Variants in COL4A1 observed in about 807,000 individuals in gnomAD.
The protein encoded by COL4A1 is collagen alpha-1(IV) chain.
Under a neutral mutation model 216.6 loss-of-function variants are expected in COL4A1, and 40 were observed. That is an observed-to-expected ratio of 0.18 (90% CI 0.14 to 0.24). The LOEUF is 0.24. Ranked by LOEUF, COL4A1 falls within the 10% of genes least tolerant of loss-of-function variation. The probability of loss-of-function intolerance (pLI) is 1.00; values close to 1 mark genes in which losing one functional copy is unlikely to be tolerated. For missense variants in COL4A1, 1,628 were observed against 2,196.8 expected (o/e 0.74, Z 5.18); for synonymous variants, 839 against 810.7 (o/e 1.03, Z -0.59).
chr13:110,152,277 A>T, intron 51 of COL4A1, 57 bp downstream of exon 51: 1 of 1,607,946 alleles, frequency 6.2e-7, no homozygotes, highest in Non-Finnish European at 8.5e-7. Context: ...GCGGATGATT[A>T]AAAAATAAAG....
At chr13:110,191,620 G>T in intron 24 of COL4A1, 1 of 687,354 alleles carries the variant, frequency 1.5e-6, no homozygotes, top group Non-Finnish European at 2.6e-6. Flanking sequence ...ATGTGATCCG[G>T]ATATTTCATT....
intron 26 of COL4A1, 127 bp downstream of exon 26, chr13:110,186,258 C>T: frequency 8.1e-7 from 1 of 1,229,876 alleles, no homozygotes; most frequent in South Asian, 1.2e-5. Flanking sequence ...GCCCCAATTC[C>T]TGGAAGAATC....
rs79824508 is a variant in COL4A1, at chr13:110,212,092, A to G, written c.388-170T>C. 0.019 allele frequency among the ~76,000 whole-genome samples: 2,948 copies of G among 152,336 alleles called. 96 individuals carry two copies. Among genetic ancestry groups the G allele is most frequent in the African/African-American group, 0.067 (2,804 of 41,564 alleles). On this transcript the variant is annotated intron_variant, in intron 6 of 51. Transcript: ENST00000375820. ...GGTACCACTTTATGAAAGAAGAAAT[A>G]GACTTGATAGTATCATTAATAGGGA...
At chr13:110,198,378 G>A (rs770093500) in intron 21 of COL4A1, 89 bp downstream of exon 21, 7 of 1,417,282 alleles carry the variant, frequency 4.9e-6, no homozygotes, top group Non-Finnish European at 6.0e-6. Context: ...CTCTGGCTGT[G>A]GGGGACTATC....
intron 17 of COL4A1, among the ~76,000 whole-genome samples, chr13:110,204,040 T>C (rs1879372250): frequency 1.3e-5 from 2 of 152,172 alleles, no homozygotes; most frequent in African/African-American, 2.4e-5. Flanking sequence ...TGTTTTTAGG[T>C]GAAGATTTTC....
intron 26 of COL4A1, among the ~76,000 whole-genome samples, chr13:110,184,442 G>A (rs1029070667): frequency 1.3e-5 from 2 of 152,178 alleles, no homozygotes; most frequent in East Asian, 1.9e-4. Context: ...CTGGCTCACC[G>A]AAGTCCTCCT....
chr13:110,302,348 C>T (rs1331298419), intron 1 of COL4A1, among the ~76,000 whole-genome samples: 4 of 150,882 alleles, frequency 2.7e-5, no homozygotes, highest in East Asian at 3.9e-4. Context: ...CAAGGGGAGG[C>T]GTCGCGTGGA....
chr13:110,292,550 C>A (rs1884128222), intron 1 of COL4A1, among the ~76,000 whole-genome samples: 1 of 152,158 alleles, frequency 6.6e-6, no homozygotes, highest in Admixed American at 6.5e-5. Flanking sequence ...ACTGACAGTT[C>A]TACATAGCTG....
intron 42 of COL4A1, among the ~76,000 whole-genome samples, chr13:110,170,133 G>GGAAGGAAA (rs369562178): frequency 0.018 from 1,180 of 64,460 alleles, 19 homozygotes; most frequent in African/African-American, 0.043. Flanking sequence ...AAGGAAGGAA[G>GGAAGGAAA]GAAGGAAGGA....
intron 49 of COL4A1, among the ~76,000 whole-genome samples, chr13:110,156,082 G>A (rs1432081587): frequency 6.6e-6 from 1 of 152,146 alleles, no homozygotes; most frequent in Non-Finnish European, 1.5e-5. Flanking sequence ...CTAAAATATT[G>A]TTTAAAAAAT....
At chr13:110,168,448 A>G (rs1032586427) in intron 43 of COL4A1, among the ~76,000 whole-genome samples, 1 of 152,204 alleles carries the variant, frequency 6.6e-6, no homozygotes, top group Non-Finnish European at 1.5e-5. Flanking sequence ...TCACATACAC[A>G]TTTGCTATAC....
chr13:110,228,237 C>CGGGGGGGGGGGGGGGGGGGGGGGGGG (rs59600040), intron 2 of COL4A1, among the ~76,000 whole-genome samples: 3 of 118,986 alleles, frequency 2.5e-5, no homozygotes, highest in Non-Finnish European at 5.0e-5. Context: ...GGTGCGGGGG[C>CGGGGGGGGGGGGGGGGGGGGGGGGGG]GGGGGGGGGG....
chr13:110,193,395 T>C (rs1162021551), intron 22 of COL4A1, among the ~76,000 whole-genome samples: 1 of 152,206 alleles, frequency 6.6e-6, no homozygotes, highest in Non-Finnish European at 1.5e-5. Context: ...AACACATATG[T>C]GATCCAGGAC....
At chr13:110,230,001 C>G (rs1043939663) in intron 2 of COL4A1, among the ~76,000 whole-genome samples, 1 of 152,194 alleles carries the variant, frequency 6.6e-6, no homozygotes, top group Admixed American at 6.5e-5. Context: ...CTGTCCCCTT[C>G]CACAGCATCA....
Position 110,169,546 on chromosome 13 carries a change from T to C in COL4A1, c.3876+83A>G, listed in dbSNP as rs554220640. ...CACACATATATATACATACACAAAATACATACACACATAGACACATATGAA... is the reference window on the plus strand; with the variant it reads ...CACACATATATATACATACACAAAACACATACACACATAGACACATATGAA... On this transcript the variant is annotated intron_variant, in intron 43 of 51. Coordinates refer to ENST00000375820, the MANE Select transcript of COL4A1 (RefSeq NM_001845.6). 351 of 1,565,518 alleles carry C rather than the reference T, an allele frequency of 2.2e-4. 1 individual carries two copies. The highest frequency in any genetic ancestry group is 2.8e-4 in the Non-Finnish European group (328 of 1,153,424).
intron 26 of COL4A1, 59 bp from the exon 27 acceptor site, chr13:110,183,335 G>A: frequency 6.6e-7 from 1 of 1,525,854 alleles, no homozygotes; most frequent in Admixed American, 1.8e-5. Context: ...ACGGAACACA[G>A]GGAGGACACG....
intron 26 of COL4A1, among the ~76,000 whole-genome samples, chr13:110,184,708 TTTG>T (rs1453694076): frequency 1.4e-4 from 10 of 70,096 alleles, no homozygotes; most frequent in Admixed American, 4.5e-4. Flanking sequence ...GTGTGTTTTG[TTTG>T]TTTGTTTGTT....
intron 1 of COL4A1, among the ~76,000 whole-genome samples, chr13:110,284,557 C>A (rs1004079038): frequency 6.6e-6 from 1 of 152,180 alleles, no homozygotes; most frequent in Non-Finnish European, 1.5e-5. Context: ...TCATTTTTCA[C>A]CGATTTTTGT....
At chr13:110,277,927 A>G (rs1043941886) in intron 1 of COL4A1, among the ~76,000 whole-genome samples, 1 of 152,222 alleles carries the variant, frequency 6.6e-6, no homozygotes, top group Non-Finnish European at 1.5e-5. Flanking sequence ...TTATTAAGTA[A>G]CCCATGCTAG....
Sources: allele counts gnomAD v4.1 joint callset (sites outside exome capture counted in the v4.1 genomes callset), GRCh38; gene constraint gnomAD v4.1.1; transcripts MANE v1.5; gene names NCBI Gene and HGNC (gene_info 2026-07-23, HGNC 2026-07-21).